Variants in GSE1 observed in about 807,000 individuals in gnomAD.
GSE1 encodes the protein Gse1 coiled-coil protein, also known as genetic suppressor element 1.
GSE1 carries 32 observed loss-of-function variants against 112.6 expected under a neutral mutation model. The observed-to-expected ratio is 0.28, with a 90% CI of 0.21 to 0.38. GSE1 has a LOEUF of 0.38. Among genes scored for constraint, GSE1 ranks in the 10% least tolerant of loss-of-function variants. The pLI is 1.00. For synonymous variants in GSE1, 1,115 were observed against 735.6 expected, an observed-to-expected ratio of 1.52 and a Z score of -8.35; for missense variants, 2,348 against 1,699.2, an observed-to-expected ratio of 1.38 and a Z score of -6.71.
chr16:85,613,278 C>T (rs1011751375), upstream of GSE1: 244 of 1,536,470 alleles, frequency 1.6e-4, no homozygotes, highest in Middle Eastern at 6.8e-4. Context: ...ACCTCCCCAG[C>T]GGGCCCGAGC....
intron 2 of GSE1, among the ~76,000 whole-genome samples, chr16:85,381,493 C>A (rs1034520025): frequency 6.6e-6 from 1 of 152,142 alleles, no homozygotes; most frequent in Admixed American, 6.5e-5. Flanking sequence ...ATCTGATAGG[C>A]CACGGTATCC....
intron 1 of GSE1, among the ~76,000 whole-genome samples, chr16:85,270,626 G>A (rs1908734533): frequency 6.7e-6 from 1 of 148,910 alleles, no homozygotes; most frequent in African/African-American, 2.4e-5. Flanking sequence ...GTTGCCCTGG[G>A]CTGGCTGCTT....
chr16:85,172,529 G>T (rs762134613), intron 1 of GSE1, among the ~76,000 whole-genome samples: 1 of 152,236 alleles, frequency 6.6e-6, no homozygotes, highest in Non-Finnish European at 1.5e-5. Context: ...AGCCAGACGG[G>T]GCTCAGTTAA....
chr16:85,337,322 T>TC (rs1567697327), intron 1 of GSE1, among the ~76,000 whole-genome samples: 1 of 149,604 alleles, frequency 6.7e-6, no homozygotes, highest in South Asian at 2.1e-4. Flanking sequence ...TTTTTTTTTT[T>TC]TGAGACGGAG....
intron 2 of GSE1, among the ~76,000 whole-genome samples, chr16:85,550,834 GC>G (rs1464234068): frequency 2.0e-5 from 3 of 152,226 alleles, no homozygotes; most frequent in African/African-American, 7.2e-5. Flanking sequence ...TGGGTGGGGG[GC>G]TGCATCTTCA....
chr16:85,258,897 C>T (rs796398147), intron 1 of GSE1, among the ~76,000 whole-genome samples: 4 of 152,346 alleles, frequency 2.6e-5, no homozygotes, highest in African/African-American at 9.6e-5. Context: ...CCCCCGCCAG[C>T]TGCCCTGCCG....
At chr16:85,480,025 T>G (rs1028531013) in intron 2 of GSE1, among the ~76,000 whole-genome samples, 6 of 152,198 alleles carry the variant, frequency 3.9e-5, no homozygotes, top group Non-Finnish European at 5.9e-5. Flanking sequence ...CGACGGGTGA[T>G]GTTTCTCTGC....
intron 2 of GSE1, among the ~76,000 whole-genome samples, chr16:85,471,527 C>T (rs1021540032): frequency 6.6e-6 from 1 of 152,042 alleles, no homozygotes; most frequent in African/African-American, 2.4e-5. Context: ...ATCCTCCTAC[C>T]TCAGCCTCCC....
At chr16:85,401,671 C>T (rs746039153) in intron 2 of GSE1, among the ~76,000 whole-genome samples, 1 of 152,192 alleles carries the variant, frequency 6.6e-6, no homozygotes, top group African/African-American at 2.4e-5. Flanking sequence ...CCCAAATGAG[C>T]CATATATAAG....
intron 1 of GSE1, among the ~76,000 whole-genome samples, chr16:85,303,447 C>T (rs1233349436): frequency 6.6e-6 from 1 of 152,208 alleles, no homozygotes; most frequent in Non-Finnish European, 1.5e-5. Flanking sequence ...TGCAGGAAGC[C>T]CTCCTAGCCA....
At chr16:85,518,422 G>A (rs1188671744) in intron 2 of GSE1, among the ~76,000 whole-genome samples, 1 of 152,146 alleles carries the variant, frequency 6.6e-6, no homozygotes, top group Non-Finnish European at 1.5e-5. Flanking sequence ...TGTCACACAG[G>A]GATGCAACTG....
intron 1 of GSE1, among the ~76,000 whole-genome samples, chr16:85,210,870 G>C (rs1023232434): frequency 2.6e-5 from 4 of 152,202 alleles, no homozygotes; most frequent in African/African-American, 7.2e-5. Flanking sequence ...GAGCCACCTG[G>C]ACTCTTCTTC....
chr16:85,587,222 T>C (rs1400420498), intron 1 of GSE1, among the ~76,000 whole-genome samples: 1 of 150,002 alleles, frequency 6.7e-6, no homozygotes, highest in Admixed American at 6.6e-5. Flanking sequence ...CCGTGGAAGA[T>C]GAAAACAGGA....
At position 85,676,002 on chromosome 16, in the gene GSE1, ACGCAGGTGGGAGGGAGGAACACCG is replaced by A. The variant is rs1392479936; in HGVS notation, c.*3464_*3487del. 1 of 152,566 alleles carries A rather than the reference ACGCAGGTGGGAGGGAGGAACACCG, an allele frequency of 6.6e-6. No homozygotes were observed. The highest frequency in any genetic ancestry group is 2.4e-5 in the African/African-American group (1 of 41,420). The allele number at this position is 152,566 out of a possible 1,614,324, so 9.5% of individuals were successfully genotyped here. A position where few individuals can be genotyped will look rare whatever the true frequency, so the allele number is the denominator to read the frequency against. On this transcript the variant is annotated 3_prime_UTR_variant, in exon 16 of 16. Coordinates refer to ENST00000253458, the MANE Select transcript of GSE1 (RefSeq NM_014615.5). ...TTAATTCTATAACAGTAAACCCCAT[ACGCAGGTGGGAGGGAGGAACACCG>A]GTGCCTCGGTCACTCTGGGGGCAGT... is the stretch of plus-strand genomic sequence containing the variant.
upstream of GSE1, among the ~76,000 whole-genome samples, chr16:85,612,699 T>TGG (rs539560624): frequency 6.3e-5 from 5 of 79,190 alleles, no homozygotes; most frequent in African/African-American, 2.5e-4. Context: ...AGGTCAGGCA[T>TGG]GGGGGGGGTG....
chr16:85,348,650 G>C (rs1000492951), intron 1 of GSE1, among the ~76,000 whole-genome samples: 1 of 152,124 alleles, frequency 6.6e-6, no homozygotes, highest in Non-Finnish European at 1.5e-5. Flanking sequence ...CTTTCTGTCC[G>C]CTCAGCCTCA....
chr16:85,600,052 CTG>C (rs951891736), intron 1 of GSE1, among the ~76,000 whole-genome samples: 1 of 152,228 alleles, frequency 6.6e-6, no homozygotes, highest in African/African-American at 2.4e-5. Flanking sequence ...CTCTGGGTCT[CTG>C]TGGCCTCCGA....
chr16:85,576,261 G>A lies in GSE1; in HGVS notation c.37+19898G>A, dbSNP rs529286436. On this transcript the variant is annotated intron_variant, in intron 1 of 2. Coordinates refer to the GSE1 transcript ENST00000635906. ...TTACCAAATGCTTCGGAGTCTCTTGGATTCCAGAGGGAAAGGCACATTTAA... is the reference window on the plus strand; with the variant it reads ...TTACCAAATGCTTCGGAGTCTCTTGAATTCCAGAGGGAAAGGCACATTTAA... Among the ~76,000 whole-genome samples the A allele has an allele frequency of 4.6e-5, 7 of 152,336 alleles. No individual in the cohort carries two copies. The East Asian group carries it at 1.3e-3, about 29-fold the overall frequency.
chr16:85,410,624 G>GC (rs1555583067), intron 2 of GSE1, among the ~76,000 whole-genome samples: 1 of 1,034 alleles, frequency 9.7e-4, no homozygotes, highest in Admixed American at 9.8e-3. Context: ...TTACACTCAG[G>GC]CCCCCGGATA....
Sources: gnomAD v4.1 joint callset for allele counts (sites outside exome capture counted in the v4.1 genomes callset) on GRCh38, gnomAD v4.1.1 for gene constraint, MANE v1.5 for transcripts, NCBI Gene and HGNC (gene_info 2026-07-23, HGNC 2026-07-21) for gene names.